The following LCP2 variants were observed in gnomAD, a reference collection of about 807,000 sequenced individuals.
LCP2 encodes the protein 76 kDa tyrosine phosphoprotein.
LCP2 carries 29 observed loss-of-function variants against 74.5 expected under a neutral mutation model. The observed-to-expected ratio is 0.39, with a 90% CI of 0.29 to 0.53. LCP2 has a LOEUF of 0.53. LCP2 is among the 20% of genes least tolerant of loss of function. The pLI is 0.72. For missense variants in LCP2, 604 were observed against 634.6 expected, an observed-to-expected ratio of 0.95 and a Z score of 0.52; for synonymous variants, 228 against 229.5, an observed-to-expected ratio of 0.99 and a Z score of 0.06.
In LCP2 at chr5:170,256,486, T is replaced by C. The variant is rs1250840584; in HGVS notation, c.1150+40A>G. 1.9e-6 allele frequency: 3 copies of C among 1,554,444 alleles called. No individual in the cohort carries two copies. Among genetic ancestry groups the C allele is most frequent in the Non-Finnish European group, 2.7e-6 (3 of 1,125,704 alleles). ...AGGTTAGGGATCCAGTCATAAAGGC[T>C]TGATGGCTGAAGCACGTCACAAAAG... On this transcript the variant is annotated intron_variant, in intron 17 of 20. Coordinates refer to ENST00000046794, the MANE Select transcript of LCP2 (RefSeq NM_005565.5). This position sits in a 1 kb window ranked among gnomAD's most constrained non-coding sequence, Gnocchi z 4.5.
chr5:170,275,297 C>T lies in LCP2; in HGVS notation c.286+23G>A, dbSNP rs367980779. 3.2e-5 allele frequency: 51 copies of T among 1,613,798 alleles called. No homozygotes were observed. The African/African-American group carries it at 6.7e-4, about 21-fold the overall frequency. On this transcript the variant is annotated intron_variant, in intron 5 of 20. Transcript: ENST00000046794. ...TACCTATCACCTCCTAAAGCAATCA[C>T]CTCTGAGCCCTGAGAGCTTTACCTG... is the stretch of plus-strand genomic sequence containing the variant.
chr5:170,268,414 G>T lies in LCP2; in HGVS notation c.592C>A (p.Pro198Thr). Residue 198 changes from proline (P) to threonine (T), a missense_variant, in exon 8 of 21, where the codon CCG (proline) becomes ACG (threonine). By Grantham distance (38) the Pro-to-Thr change is conservative. Transcript: ENST00000046794. ...TGATTCCGGCCGGCTGGTGGGGGCGGGAGGGCGGCCATCGGTCTCTGGGGG... is the reference window on the plus strand; with the variant it reads ...TGATTCCGGCCGGCTGGTGGGGGCGTGAGGGCGGCCATCGGTCTCTGGGGG... ...VPPQRPMAALPPPPAGRNHSP... is the reference protein window; with the variant it reads ...VPPQRPMAALTPPPAGRNHSP... 1 of 760,298 alleles carries T rather than the reference G, an allele frequency of 1.3e-6. No homozygotes were observed. The highest frequency in any genetic ancestry group is 1.7e-6 in the Non-Finnish European group (1 of 579,966). The allele number at this position is 760,298 out of a possible 1,614,324, so 47.1% of individuals were successfully genotyped here.
intron 2 of LCP2, among the ~76,000 whole-genome samples, chr5:170,292,793 A>G (rs1483672712): frequency 1.3e-5 from 2 of 152,218 alleles, no homozygotes; most frequent in Non-Finnish European, 2.9e-5. Flanking sequence ...TTAGTCTTTA[A>G]TACATACCTG....
intron 10 of LCP2, among the ~76,000 whole-genome samples, chr5:170,265,416 T>C (rs1438035284): frequency 2.0e-5 from 3 of 152,048 alleles, no homozygotes; most frequent in Non-Finnish European, 4.4e-5. Context: ...AAACAGAAAT[T>C]GTCAGAAAAG....
Position 170,277,760 on chromosome 5 carries a change from A to AAAG in LCP2, c.189-1901_189-1900insCTT, listed in dbSNP as rs1554140849. ...CTTCGTCTCAAAAAAAAAAAAAAAA[A>AAAG]AAAGAAAGAAATGGTATCCAAACCT... is the stretch of plus-strand genomic sequence containing the variant. On this transcript the variant is annotated intron_variant, in intron 3 of 20. Transcript: ENST00000046794. 3.0e-3 allele frequency among the ~76,000 whole-genome samples: 406 copies of AAAG among 135,702 alleles called. 3 individuals are homozygous for AAAG. The highest frequency in any genetic ancestry group is 8.6e-3 in the African/African-American group (314 of 36,454). 89.0% of individuals were successfully genotyped at this position (135,702 alleles called of 152,430 possible).
At chr5:170,293,972 G>A (rs78758159) in intron 1 of LCP2, among the ~76,000 whole-genome samples, 2,716 of 152,168 alleles carry the variant, frequency 0.018, 89 homozygotes, top group African/African-American at 0.061. Flanking sequence ...TAAAAACGGC[G>A]AACAATTATC....
chr5:170,265,064 T>C (rs1394710556), intron 10 of LCP2, among the ~76,000 whole-genome samples: 5 of 143,734 alleles, frequency 3.5e-5, no homozygotes, highest in Non-Finnish European at 7.5e-5. Flanking sequence ...CTCAGCTCAC[T>C]GCAAGCTCTG....
intron 17 of LCP2, among the ~76,000 whole-genome samples, chr5:170,253,506 T>C (rs1407298430): frequency 6.6e-6 from 1 of 152,228 alleles, no homozygotes; most frequent in Admixed American, 6.5e-5. Context: ...TAGATCCCTT[T>C]ATAAAAAAAT....
At position 170,254,795 on chromosome 5, in the gene LCP2, A is replaced by G. The variant is rs926852207; in HGVS notation, c.1151-1582T>C. On this transcript the variant is annotated intron_variant, in intron 17 of 20. Transcript: ENST00000046794. ...AACAGAGAAGCACATACACTTTTTT[A>G]TTGCAGTCACCTACCACCCTTAATA... Among the ~76,000 whole-genome samples, 3 of 152,134 alleles carry G rather than the reference A, an allele frequency of 2.0e-5. No homozygotes were observed. The East Asian group carries it at 5.8e-4, about 29-fold the overall frequency.
At chr5:170,280,936 G>A (rs1474606375) in intron 3 of LCP2, among the ~76,000 whole-genome samples, 1 of 152,114 alleles carries the variant, frequency 6.6e-6, no homozygotes, top group South Asian at 2.1e-4. Context: ...CCCAGGAGGC[G>A]GAGGTTGCAG....
At chr5:170,285,605 C>T (rs371426345) in intron 3 of LCP2, among the ~76,000 whole-genome samples, 3 of 152,138 alleles carry the variant, frequency 2.0e-5, no homozygotes, top group East Asian at 3.8e-4. Flanking sequence ...GCTAATTATT[C>T]CCCACCACTA....
Position 170,272,568 on chromosome 5 carries a change from G to A in LCP2, c.325-1651C>T, listed in dbSNP as rs190918282. 8.2e-3 allele frequency among the ~76,000 whole-genome samples: 1,136 copies of A among 138,696 alleles called. 14 individuals are homozygous for A. The highest frequency in any genetic ancestry group is 0.021 in the South Asian group (93 of 4,326). 91.0% of individuals were successfully genotyped at this position (138,696 alleles called of 152,430 possible). On this transcript the variant is annotated intron_variant, in intron 6 of 20. Coordinates refer to ENST00000046794, the MANE Select transcript of LCP2 (RefSeq NM_005565.5). ...CCAGCAAGATAGACTAAATGAGATCGGTTATAACTGTAACCCATCAAATAT... is the reference window on the plus strand; with the variant it reads ...CCAGCAAGATAGACTAAATGAGATCAGTTATAACTGTAACCCATCAAATAT...
At chr5:170,281,419 A>G (rs1353911658) in intron 3 of LCP2, among the ~76,000 whole-genome samples, 3 of 152,090 alleles carry the variant, frequency 2.0e-5, no homozygotes, top group Non-Finnish European at 4.4e-5. Flanking sequence ...AGCTGGGACT[A>G]CAGGTGCCTG....
intron 1 of LCP2, among the ~76,000 whole-genome samples, chr5:170,297,263 G>A (rs1189207920): frequency 6.6e-6 from 1 of 152,168 alleles, no homozygotes; most frequent in Non-Finnish European, 1.5e-5. Flanking sequence ...AGCGCTAAAT[G>A]GGACAGTGCC....
chr5:170,291,728 G>A (rs1385026405), intron 2 of LCP2, among the ~76,000 whole-genome samples: 1 of 152,216 alleles, frequency 6.6e-6, no homozygotes, highest in East Asian at 1.9e-4. Flanking sequence ...CTCAGAGAGG[G>A]CAAGTACTTG....
rs376580265 is a variant in LCP2 at position 170,253,129 on chromosome 5, G to T, written c.1235C>A (p.Ala412Glu). The T allele has an allele frequency of 7.1e-5, 114 of 1,608,022 alleles. No homozygotes were observed. The African/African-American group carries it at 1.1e-3, about 15-fold the overall frequency. The change falls in exon 18 of 21, where the codon GCG (alanine) becomes GAG (glutamate). Residue 412 changes from alanine (A) to glutamate (E), a missense_variant. Coordinates refer to ENST00000046794, the MANE Select transcript of LCP2 (RefSeq NM_005565.5). The part of the protein sequence containing the change: ...LPNKPRPPSP[A>E]EEENSLNEEW... ...AACATGCTCTCTTACCTCTTCCTCC[G>T]CGGGGGATGGGGGCCGAGGTTTGTT...
chr5:170,289,683 CTCTT>C (rs1280949718), intron 2 of LCP2, among the ~76,000 whole-genome samples: 2,793 of 133,594 alleles, frequency 0.021, 39 homozygotes, highest in Middle Eastern at 0.073. Flanking sequence ...CTCTCTCTCT[CTCTT>C]TCTTTCTTTC....
intron 1 of LCP2, among the ~76,000 whole-genome samples, chr5:170,294,319 G>A (rs1456587095): frequency 1.3e-5 from 2 of 152,156 alleles, no homozygotes; most frequent in East Asian, 3.8e-4. Context: ...AATTGTTTAA[G>A]TCAGAACCTC....
intron 13 of LCP2, 97 bp from the exon 14 acceptor site, chr5:170,261,234 C>T (rs572778817): frequency 3.2e-5 from 29 of 894,218 alleles, no homozygotes; most frequent in East Asian, 1.6e-4. Flanking sequence ...AATGAGAAAT[C>T]GAACCCACTG....
Sources: allele counts gnomAD v4.1 joint callset (sites outside exome capture counted in the v4.1 genomes callset), GRCh38; gene constraint gnomAD v4.1.1; non-coding constraint Gnocchi (gnomAD v3.1); transcripts MANE v1.5; gene names NCBI Gene and HGNC (gene_info 2026-07-23, HGNC 2026-07-21).